SOX5: variants seen among roughly 807,000 people sequenced by gnomAD.
SOX5 encodes SRY-box transcription factor 5, also known as transcription factor SOX-5.
SOX5 carries 9 observed loss-of-function variants against 92.0 expected under a neutral mutation model. That is an observed-to-expected ratio of 0.10 (90% CI 0.06 to 0.17). The LOEUF (loss-of-function observed/expected upper bound fraction) is 0.17, where lower values mean the gene tolerates loss of function less well. SOX5 is among the 10% of genes least tolerant of loss of function. The probability of loss-of-function intolerance (pLI) is 1.00; values close to 1 mark genes in which losing one functional copy is unlikely to be tolerated. For missense variants in SOX5, 642 were observed against 944.5 expected, an observed-to-expected ratio of 0.68 and a Z score of 4.20; for synonymous variants, 344 against 336.3, an observed-to-expected ratio of 1.02 and a Z score of -0.25.
At chr12:24,042,000 GT>G (rs1956573526) in intron 4 of SOX5, among the ~76,000 whole-genome samples, 1 of 152,054 alleles carries the variant, frequency 6.6e-6, no homozygotes, top group Non-Finnish European at 1.5e-5. Context: ...CATTAAGGTT[GT>G]TTGTTTAACA....
intron 10 of SOX5, among the ~76,000 whole-genome samples, chr12:23,570,199 A>AT (rs1354035936): frequency 6.6e-6 from 1 of 152,096 alleles, no homozygotes; most frequent in Non-Finnish European, 1.5e-5. Flanking sequence ...CAACAAATAT[A>AT]TTTTTTTCTA....
chr12:24,129,166 A>G (rs1319210029), intron 4 of SOX5, among the ~76,000 whole-genome samples: 1 of 152,238 alleles, frequency 6.6e-6, no homozygotes, highest in Non-Finnish European at 1.5e-5. Context: ...GAAAATATTG[A>G]AAATACATCC....
chr12:24,236,209 A>G (rs1964477698), intron 3 of SOX5, among the ~76,000 whole-genome samples: 2 of 151,994 alleles, frequency 1.3e-5, no homozygotes, highest in African/African-American at 4.8e-5. Flanking sequence ...AAAATAAATA[A>G]ATAGATAAAT....
At chr12:23,957,557 C>T (rs1260273034) in intron 4 of SOX5, among the ~76,000 whole-genome samples, 1 of 152,128 alleles carries the variant, frequency 6.6e-6, no homozygotes, top group Non-Finnish European at 1.5e-5. Flanking sequence ...AGTTCAAAAG[C>T]AAACTAAAAA....
At chr12:23,777,188 T>A (rs995692076) in intron 3 of SOX5, among the ~76,000 whole-genome samples, 1 of 152,172 alleles carries the variant, frequency 6.6e-6, no homozygotes, top group East Asian at 1.9e-4. Flanking sequence ...CAAGATTACA[T>A]AGGATTTGGA....
chr12:24,041,641 C>T (rs1329107980), intron 4 of SOX5, among the ~76,000 whole-genome samples: 1 of 152,088 alleles, frequency 6.6e-6, no homozygotes, highest in Non-Finnish European at 1.5e-5. Context: ...AAACTGTTTC[C>T]ATGATCGAAC....
chr12:24,229,573 C>G (rs539894185), intron 3 of SOX5, among the ~76,000 whole-genome samples: 1 of 152,266 alleles, frequency 6.6e-6, no homozygotes, highest in African/African-American at 2.4e-5. Context: ...TGGAAAGAGA[C>G]TAGAAGAGGA....
chr12:24,515,888 A>C (rs1448093284), intron 1 of SOX5, among the ~76,000 whole-genome samples: 1 of 152,156 alleles, frequency 6.6e-6, no homozygotes, highest in Non-Finnish European at 1.5e-5. Flanking sequence ...GGAAGCTTAA[A>C]CTCACTTTAA....
intron 2 of SOX5, among the ~76,000 whole-genome samples, chr12:24,338,829 C>T (rs1430698402): frequency 1.3e-5 from 2 of 152,146 alleles, no homozygotes; most frequent in South Asian, 2.1e-4. Flanking sequence ...GCTCCTCCTT[C>T]GCCTTCCATC....
chr12:24,208,653 T>C (rs767877344), intron 4 of SOX5, among the ~76,000 whole-genome samples: 28 of 152,228 alleles, frequency 1.8e-4, no homozygotes, highest in Admixed American at 2.6e-4. Context: ...CTTTATGGCA[T>C]TGGATTTCAC....
chr12:23,609,799 T>C (rs1006435376), intron 8 of SOX5, among the ~76,000 whole-genome samples: 2 of 152,196 alleles, frequency 1.3e-5, no homozygotes, highest in African/African-American at 4.8e-5. Context: ...TAAAACACTT[T>C]TAAAAAATTA....
intron 1 of SOX5, among the ~76,000 whole-genome samples, chr12:24,467,517 G>A (rs1429747666): frequency 6.7e-6 from 1 of 150,070 alleles, no homozygotes; most frequent in Non-Finnish European, 1.5e-5. Flanking sequence ...CAAATGCATG[G>A]AAGCAGAGAA....
chr12:24,511,475 C>T (rs1290413082), intron 1 of SOX5, among the ~76,000 whole-genome samples: 1 of 151,998 alleles, frequency 6.6e-6, no homozygotes, highest in Non-Finnish European at 1.5e-5. Context: ...TCAATGTATT[C>T]CTAAAGGCAT....
chr12:23,538,103 A>G (rs1941011498), intron 13 of SOX5, among the ~76,000 whole-genome samples: 1 of 152,136 alleles, frequency 6.6e-6, no homozygotes, highest in African/African-American at 2.4e-5. Context: ...AATGTCATCT[A>G]AGTAAGATCT....
intron 1 of SOX5, among the ~76,000 whole-genome samples, chr12:24,538,223 C>G (rs1163939856): frequency 6.6e-6 from 1 of 152,142 alleles, no homozygotes; most frequent in African/African-American, 2.4e-5. Context: ...GAAGTGCCAG[C>G]CTTGCAGTTC....
intron 2 of SOX5, among the ~76,000 whole-genome samples, chr12:24,287,592 C>CTTTTTTTTTTTTTTT: frequency 1.3e-5 from 1 of 79,672 alleles, no homozygotes; most frequent in Non-Finnish European, 2.3e-5. Flanking sequence ...TTCTCAAATC[C>CTTTTTTTTTTTTTTT]TTTTTTTTTT....
intron 1 of SOX5, among the ~76,000 whole-genome samples, chr12:24,509,970 C>T (rs1454179491): frequency 5.9e-5 from 9 of 152,124 alleles, no homozygotes; most frequent in African/African-American, 2.2e-4. Flanking sequence ...ATATCAACCA[C>T]AAAATTTAGT....
chr12:24,017,887 T>C (rs1382960273), intron 4 of SOX5, among the ~76,000 whole-genome samples: 1 of 152,064 alleles, frequency 6.6e-6, no homozygotes, highest in African/African-American at 2.4e-5. Flanking sequence ...CCTTAAAACA[T>C]CTCTGCAGGA....
At chr12:24,077,825 A>G (rs926120464) in intron 4 of SOX5, among the ~76,000 whole-genome samples, 1 of 145,460 alleles carries the variant, frequency 6.9e-6, no homozygotes, top group Non-Finnish European at 1.5e-5. Context: ...GTGAAGACAA[A>G]TCTCAGTTTT....
Sources: gnomAD v4.1 joint callset for allele counts (sites outside exome capture counted in the v4.1 genomes callset) on GRCh38, gnomAD v4.1.1 for gene constraint, MANE v1.5 for transcripts, NCBI Gene and HGNC (gene_info 2026-07-23, HGNC 2026-07-21) for gene names.